POLR1D: variants seen among roughly 807,000 people sequenced by gnomAD.
The protein encoded by POLR1D is RNA polymerase I and III subunit D, also known as DNA-directed RNA polymerases I and III subunit RPAC2.
Under a neutral mutation model 10.8 loss-of-function variants are expected in POLR1D, and 8 were observed. The observed-to-expected ratio is 0.74, with a 90% CI of 0.43 to 1.33. POLR1D has a LOEUF of 1.33. Ranked by LOEUF, POLR1D falls within the 40% of genes most tolerant of loss-of-function variation. The probability of loss-of-function intolerance (pLI) is 0.01; values close to 1 mark genes in which losing one functional copy is unlikely to be tolerated. For missense variants in POLR1D, 152 were observed against 161.7 expected, an observed-to-expected ratio of 0.94 and a Z score of 0.32; for synonymous variants, 54 against 57.2, an observed-to-expected ratio of 0.94 and a Z score of 0.25.
chr13:27,624,771 C>A (rs370636671), downstream of POLR1D, among the ~76,000 whole-genome samples: 107 of 152,154 alleles, frequency 7.0e-4, no homozygotes, highest in African/African-American at 2.2e-3. Flanking sequence ...GCCTGTAGTC[C>A]CAGCTGCTTG....
chr13:27,643,774 G>A (rs1346553412), intron 1 of POLR1D, among the ~76,000 whole-genome samples: 2 of 152,144 alleles, frequency 1.3e-5, no homozygotes, highest in East Asian at 3.8e-4. Flanking sequence ...AAACATGTTT[G>A]CCTTCAGCAC....
At chr13:27,642,106 G>A (rs1029147124) in intron 1 of POLR1D, among the ~76,000 whole-genome samples, 1 of 152,112 alleles carries the variant, frequency 6.6e-6, no homozygotes, top group African/African-American at 2.4e-5. Flanking sequence ...GAGTTCAGAG[G>A]ATGTTAACAG....
chr13:27,646,684 G>C (rs1485444531), intron 1 of POLR1D, among the ~76,000 whole-genome samples: 2 of 152,154 alleles, frequency 1.3e-5, no homozygotes, highest in Admixed American at 6.5e-5. Context: ...ACAAAAATAA[G>C]CAGATGTATT....
At chr13:27,647,822 A>G (rs1050985163) in intron 1 of POLR1D, among the ~76,000 whole-genome samples, 6 of 152,314 alleles carry the variant, frequency 3.9e-5, no homozygotes, top group African/African-American at 1.4e-4. Flanking sequence ...GAATATTTTC[A>G]TAGGACAAAG....
chr13:27,660,357 G>A (rs772030270), intron 2 of POLR1D, among the ~76,000 whole-genome samples: 1 of 152,214 alleles, frequency 6.6e-6, no homozygotes, highest in Non-Finnish European at 1.5e-5. Context: ...TGGAAGATAC[G>A]CTATTTGCTA....
intron 1 of POLR1D, among the ~76,000 whole-genome samples, chr13:27,637,130 A>G (rs1381728882): frequency 6.6e-6 from 1 of 152,040 alleles, no homozygotes; most frequent in East Asian, 1.9e-4. Context: ...CATCGATTGT[A>G]TTACTCTCTG....
intron 2 of POLR1D, among the ~76,000 whole-genome samples, chr13:27,655,667 T>A (rs1956301982): frequency 6.6e-6 from 1 of 152,164 alleles, no homozygotes; most frequent in African/African-American, 2.4e-5. Flanking sequence ...GATCTCTCCA[T>A]TATAAAGGTG....
intron 2 of POLR1D, chr13:27,665,511 T>C: frequency 1.6e-6 from 1 of 635,062 alleles, no homozygotes; most frequent in African/African-American, 1.8e-5. Context: ...ATCGTCTTTT[T>C]TTTTCCTCCC....
rs540606584 is a variant in POLR1D at position 27,645,575 on chromosome 13, G to A, written c.27-2804G>A. Reference sequence around the variant, plus strand: ...TACTTAAAGCTCTATATCTTCATTAGTTGTTGTTAAACCAATTGCAGATAC... The same window carrying A: ...TACTTAAAGCTCTATATCTTCATTAATTGTTGTTAAACCAATTGCAGATAC... On this transcript the variant is annotated intron_variant, in intron 1 of 2. Coordinates refer to the POLR1D transcript ENST00000399697. Among the ~76,000 whole-genome samples, 7 of 152,248 alleles carry A rather than the reference G, an allele frequency of 4.6e-5. No homozygotes were observed. The East Asian group carries it at 1.4e-3, about 29-fold the overall frequency.
chr13:27,665,776 A>C, exon 3 of POLR1D: 2 of 1,614,000 alleles, frequency 1.2e-6, no homozygotes, highest in Non-Finnish European at 1.7e-6. Context: ...AAGACCATGA[A>C]CAAAAAGAGG....
chr13:27,645,834 G>A (rs1956215664), intron 1 of POLR1D, among the ~76,000 whole-genome samples: 1 of 152,126 alleles, frequency 6.6e-6, no homozygotes, highest in South Asian at 2.1e-4. Context: ...TAAACCAGAA[G>A]GCATCCTTAA....
chr13:27,648,247 TA>T (rs1042311262), intron 1 of POLR1D: 258 of 621,596 alleles, frequency 4.2e-4, no homozygotes, highest in Non-Finnish European at 5.0e-4. Flanking sequence ...GTCAACCATT[TA>T]AAAAAAAATT....
At chr13:27,667,272 A>G (rs1956427008) in exon 3 of POLR1D, 1 of 152,184 alleles carries the variant, frequency 6.6e-6, no homozygotes, top group African/African-American at 2.4e-5. Flanking sequence ...ATCTGACTTT[A>G]TTCAAATCTA....
At chr13:27,638,112 G>C (rs1251350599) in intron 1 of POLR1D, among the ~76,000 whole-genome samples, 1 of 152,224 alleles carries the variant, frequency 6.6e-6, no homozygotes, top group Non-Finnish European at 1.5e-5. Context: ...TGGTGATCAA[G>C]ATGAGGCCTG....
At chr13:27,647,410 AC>A (rs61454680) in intron 1 of POLR1D, among the ~76,000 whole-genome samples, 3,045 of 151,966 alleles carry the variant, frequency 0.02, 104 homozygotes, top group African/African-American at 0.07. Context: ...TTTTTTAGAG[AC>A]CAGGTCTTGC....
chr13:27,627,727 GTTTTTTT>G (rs57621806), downstream of POLR1D, among the ~76,000 whole-genome samples: 21 of 95,394 alleles, frequency 2.2e-4, no homozygotes, highest in African/African-American at 4.8e-4. Context: ...TAAAGTTTTA[GTTTTTTT>G]TTTTTTTTTT....
intron 1 of POLR1D, among the ~76,000 whole-genome samples, chr13:27,641,951 C>T (rs1362188522): frequency 1.3e-5 from 2 of 152,148 alleles, no homozygotes; most frequent in Admixed American, 6.5e-5. Context: ...ATGTGGTTAT[C>T]CCACAGAGCA....
At chr13:27,623,494 GGAT>G (rs1955975061), downstream of POLR1D, 1 of 721,848 alleles carries the variant, frequency 1.4e-6, no homozygotes, top group African/African-American at 1.8e-5. Context: ...TGGTCCTTGA[GGAT>G]GACTTTTTTT....
At chr13:27,645,693 G>A (rs1011145081) in intron 1 of POLR1D, among the ~76,000 whole-genome samples, 2 of 152,100 alleles carry the variant, frequency 1.3e-5, no homozygotes, top group African/African-American at 4.8e-5. Flanking sequence ...GTGGGAACAC[G>A]GTAGACAAGC....
Sources: allele counts gnomAD v4.1 joint callset (sites outside exome capture counted in the v4.1 genomes callset), GRCh38; gene constraint gnomAD v4.1.1; transcripts MANE v1.5; gene names NCBI Gene and HGNC (gene_info 2026-07-23, HGNC 2026-07-21).